Variants in SEC24B observed in about 807,000 individuals in gnomAD.
The protein encoded by SEC24B is protein transport protein Sec24B.
A neutral mutation model predicts 142.8 loss-of-function variants in SEC24B; 45 were observed. The observed-to-expected ratio is 0.32, with a 90% confidence interval of 0.25 to 0.40. The LOEUF is 0.40. Among genes scored for constraint, SEC24B ranks in the 10% least tolerant of loss-of-function variants. SEC24B has a pLI of 1.00. For synonymous variants in SEC24B, 574 were observed against 568.2 expected (o/e 1.01, Z -0.15); for missense variants, 1,409 against 1,526.8 (o/e 0.92, Z 1.29).
Position 109,530,335 on chromosome 4 carries a change from CT to C in SEC24B, c.3125del (p.Leu1042Ter), listed in dbSNP as rs1724762692. 1 of 1,613,850 alleles carries C rather than the reference CT, an allele frequency of 6.2e-7. No individual in the cohort carries two copies. ...CAAGTCTGTCAGATGCAAGAGATGC[CT>C]TAGTGAATGCTGTAGTGGACTCATT... ...SSSLSDARDA[L>X]VNAVVDSLSA... On this transcript the variant is annotated frameshift_variant, in exon 19 of 24. Transcript: ENST00000265175. LOFTEE classifies it high-confidence loss of function.
intron 6 of SEC24B, among the ~76,000 whole-genome samples, chr4:109,501,752 G>T (rs1004315585): frequency 1.3e-5 from 2 of 152,162 alleles, no homozygotes; most frequent in Admixed American, 6.5e-5. Flanking sequence ...GATTACAGGC[G>T]CAAGCCACTG....
intron 4 of SEC24B, among the ~76,000 whole-genome samples, chr4:109,485,720 G>A (rs1284803297): frequency 2.0e-5 from 3 of 152,180 alleles, no homozygotes; most frequent in Non-Finnish European, 4.4e-5. Flanking sequence ...TATTTCATAT[G>A]TACAGAGGTA....
Position 109,510,138 on chromosome 4 carries a change from G to C in SEC24B, c.1776+27G>C, listed in dbSNP as rs1293748475. 3 of 1,323,088 alleles carry C rather than the reference G, an allele frequency of 2.3e-6. No individual in the cohort carries two copies. The African/African-American group carries it at 4.4e-5, about 19-fold the overall frequency. The allele number at this position is 1,323,088 out of a possible 1,614,324, so 82.0% of individuals were successfully genotyped here. On this transcript the variant is annotated intron_variant, in intron 8 of 23. Coordinates refer to ENST00000265175, the MANE Select transcript of SEC24B (RefSeq NM_006323.5). ...TAAAGTAACATTTTATAATATTTAT[G>C]GGTACTGACATGTATGCTTATGTAC...
At chr4:109,458,397 C>G (rs910332540) in intron 1 of SEC24B, among the ~76,000 whole-genome samples, 4 of 152,188 alleles carry the variant, frequency 2.6e-5, no homozygotes, top group Admixed American at 1.3e-4. Flanking sequence ...ATTCTGATCT[C>G]TACCTCCCTT....
chr4:109,519,520 T>C (rs1723375622), intron 11 of SEC24B, among the ~76,000 whole-genome samples: 1 of 152,214 alleles, frequency 6.6e-6, no homozygotes, highest in South Asian at 2.1e-4. Context: ...CAGCTCAACT[T>C]TGTGTATTTT....
intron 1 of SEC24B, among the ~76,000 whole-genome samples, chr4:109,462,401 G>C (rs1260315354): frequency 6.6e-6 from 1 of 152,136 alleles, no homozygotes; most frequent in Non-Finnish European, 1.5e-5. Context: ...CTGTTGGCTG[G>C]GCTATAGTTA....
intron 6 of SEC24B, among the ~76,000 whole-genome samples, chr4:109,505,944 C>G (rs1736640160): frequency 6.6e-6 from 1 of 152,026 alleles, no homozygotes; most frequent in African/African-American, 2.4e-5. Context: ...TAAGGCAAAA[C>G]CTATTGAACA....
At chr4:109,531,259 G>T in intron 19 of SEC24B, 126 bp from the exon 20 acceptor site, 1 of 738,146 alleles carries the variant, frequency 1.4e-6, no homozygotes, top group South Asian at 2.0e-5. Context: ...TCAGAGCTGA[G>T]AATTGAATCT....
At position 109,513,009 on chromosome 4, in the gene SEC24B, C is replaced by T. The variant is rs199545721; in HGVS notation, c.1904-738C>T. On this transcript the variant is annotated intron_variant, in intron 9 of 23. Coordinates refer to ENST00000265175, the MANE Select transcript of SEC24B (RefSeq NM_006323.5). ...TTTTTTTTGGAGATGGAGTCTCACT[C>T]TGTCACCCAGGTTGGAGTGCAGTGG... Among the ~76,000 whole-genome samples the T allele has an allele frequency of 2.1e-5, 3 of 141,430 alleles. No individual in the cohort carries two copies. In the East Asian group the frequency reaches 6.1e-4, roughly 29 times the overall value. 92.8% of individuals were successfully genotyped at this position (141,430 alleles called of 152,430 possible).
In SEC24B at chr4:109,473,149, C is replaced by A. The variant is rs879222295; in HGVS notation, c.1023C>A (p.Thr341=). ...CAAATCACCCAGTTGAGCCTGTGAC[C>A]TCAGTTACACAGCCATCAGAGCTAT... ...PTANHPVEPV[T]SVTQPSELLQ... is the part of the protein sequence containing the mutation. The change falls in exon 3 of 24, where the codon ACC becomes ACA. Residue 341 remains threonine (T), a synonymous_variant. Coordinates refer to ENST00000265175, the MANE Select transcript of SEC24B (RefSeq NM_006323.5). 1.9e-6 allele frequency: 3 copies of A among 1,592,710 alleles called. No individual in the cohort carries two copies. In the South Asian group the frequency reaches 3.4e-5, roughly 18 times the overall value.
chr4:109,515,872 C>CA (rs1232230115), intron 10 of SEC24B, among the ~76,000 whole-genome samples: 3 of 150,074 alleles, frequency 2.0e-5, no homozygotes, highest in East Asian at 2.0e-4. Flanking sequence ...AACCCCCCCC[C>CA]ACCCCCATCT....
intron 6 of SEC24B, among the ~76,000 whole-genome samples, chr4:109,498,611 G>A (rs1735780944): frequency 6.6e-6 from 1 of 152,070 alleles, no homozygotes; most frequent in African/African-American, 2.4e-5. Context: ...TTATCTGCCC[G>A]CCTTGGCCTC....
At chr4:109,446,341 A>G (rs151021058) in intron 1 of SEC24B, among the ~76,000 whole-genome samples, 99 of 152,354 alleles carry the variant, frequency 6.5e-4, no homozygotes, top group African/African-American at 2.3e-3. Context: ...GCCACAAGCC[A>G]AGGAATACCA....
intron 4 of SEC24B, among the ~76,000 whole-genome samples, chr4:109,486,960 TTTGAGACCA>T: frequency 6.6e-6 from 1 of 151,240 alleles, no homozygotes; most frequent in African/African-American, 2.4e-5. Flanking sequence ...AGGTCAGGAG[TTTGAGACCA>T]GCCTGGCTAA....
chr4:109,500,968 AT>A (rs1315446149), intron 6 of SEC24B, among the ~76,000 whole-genome samples: 1 of 151,972 alleles, frequency 6.6e-6, no homozygotes, highest in African/African-American at 2.4e-5. Flanking sequence ...CAAAAACTAT[AT>A]TTTTATAGGT....
chr4:109,469,283 G>T (rs552988624), intron 2 of SEC24B, among the ~76,000 whole-genome samples: 37 of 152,184 alleles, frequency 2.4e-4, no homozygotes, highest in African/African-American at 8.7e-4. Context: ...CTTCTTGATT[G>T]GTGTGCCTCC....
At chr4:109,527,917 G>A (rs1220810365) in intron 18 of SEC24B, among the ~76,000 whole-genome samples, 1 of 152,068 alleles carries the variant, frequency 6.6e-6, no homozygotes, top group Non-Finnish European at 1.5e-5. Flanking sequence ...CAAAATCTTT[G>A]AGGGAATTCA....
intron 9 of SEC24B, among the ~76,000 whole-genome samples, chr4:109,512,428 G>GT (rs1430508453): frequency 1.3e-5 from 2 of 152,192 alleles, no homozygotes; most frequent in Admixed American, 6.5e-5. Flanking sequence ...CTTTGCCAGT[G>GT]TATCTGGATG....
At chr4:109,455,754 T>C (rs1406361308) in intron 1 of SEC24B, among the ~76,000 whole-genome samples, 2 of 152,028 alleles carry the variant, frequency 1.3e-5, no homozygotes, top group Non-Finnish European at 2.9e-5. Flanking sequence ...GTATCTGTCC[T>C]TTCACCAATA....
Sources: gnomAD v4.1 joint callset for allele counts (sites outside exome capture counted in the v4.1 genomes callset) on GRCh38, gnomAD v4.1.1 for gene constraint, MANE v1.5 for transcripts, NCBI Gene and HGNC (gene_info 2026-07-23, HGNC 2026-07-21) for gene names.